PCDH11X: variants seen among roughly 807,000 people sequenced by gnomAD.
The protein encoded by PCDH11X is protocadherin 11 X-linked.
A neutral mutation model predicts 53.3 loss-of-function variants in PCDH11X; 18 were observed. The ratio of observed to expected loss-of-function variants is 0.34; its 90% CI spans 0.23 to 0.50. PCDH11X has a LOEUF of 0.50. Among genes scored for constraint, PCDH11X ranks in the 20% least tolerant of loss-of-function variants. The probability of loss-of-function intolerance (pLI) is 0.98; values close to 1 mark genes in which losing one functional copy is unlikely to be tolerated. For missense variants in PCDH11X, 570 were observed against 1,032.4 expected (o/e 0.55, Z 6.14); for synonymous variants, 279 against 393.3 (o/e 0.71, Z 3.44).
chrX:92,109,579 A>G (rs372229606), intron 6 of PCDH11X, among the ~76,000 whole-genome samples: 1 of 111,363 alleles, frequency 9.0e-6, no homozygotes, highest in East Asian at 2.8e-4. Context: ...AAATATCTCA[A>G]GCACTGATCT....
chrX:92,398,738 C>T (rs1164747329), intron 9 of PCDH11X, among the ~76,000 whole-genome samples: 1 of 110,994 alleles, frequency 9.0e-6, no homozygotes, highest in African/African-American at 3.3e-5. Flanking sequence ...CAAGTCTGCT[C>T]CTTCCTAGTA....
At chrX:91,988,660 A>T (rs1315182241) in intron 6 of PCDH11X, among the ~76,000 whole-genome samples, 3 of 113,204 alleles carry the variant, frequency 2.7e-5, no homozygotes, top group Non-Finnish European at 5.6e-5. Context: ...GCAGCATTTG[A>T]TTAAATGAAC....
At chrX:92,022,872 A>G (rs1349295701) in intron 6 of PCDH11X, among the ~76,000 whole-genome samples, 1 of 110,002 alleles carries the variant, frequency 9.1e-6, no homozygotes, top group Non-Finnish European at 1.9e-5. Flanking sequence ...CTCACTCAAA[A>G]CTGCACAACT....
chrX:91,868,421 C>A (rs1305139870), intron 5 of PCDH11X, among the ~76,000 whole-genome samples: 1 of 111,410 alleles, frequency 9.0e-6, no homozygotes, highest in Non-Finnish European at 1.9e-5. Context: ...AAACTGAAAT[C>A]TTCTTTTGGA....
At chrX:92,332,451 C>T (rs995646424) in intron 8 of PCDH11X, among the ~76,000 whole-genome samples, 11 of 110,570 alleles carry the variant, frequency 9.9e-5, no homozygotes, top group African/African-American at 3.7e-4. Context: ...AGGTGAAGAC[C>T]ATAAGATGTG....
intron 6 of PCDH11X, among the ~76,000 whole-genome samples, chrX:92,089,353 A>G (rs1265932863): frequency 1.8e-5 from 2 of 110,471 alleles, no homozygotes; most frequent in Non-Finnish European, 3.8e-5. Flanking sequence ...TATTGCTCAC[A>G]TAGTCATATA....
intron 6 of PCDH11X, among the ~76,000 whole-genome samples, chrX:92,050,614 C>T (rs1365991053): frequency 9.7e-6 from 1 of 102,679 alleles, no homozygotes; most frequent in East Asian, 3.1e-4. Context: ...AGACATTCAT[C>T]ATGAGCTTTT....
chrX:92,284,337 G>A (rs1306368378), intron 8 of PCDH11X, among the ~76,000 whole-genome samples: 14 of 109,305 alleles, frequency 1.3e-4, no homozygotes, highest in Admixed American at 5.9e-4. Flanking sequence ...AAAGCAACAT[G>A]TATAGAATAG....
chrX:92,562,699 A>T (rs978158655), intron 10 of PCDH11X, among the ~76,000 whole-genome samples: 52 of 110,496 alleles, frequency 4.7e-4, no homozygotes, highest in African/African-American at 1.6e-3. Flanking sequence ...CTTCCACCAG[A>T]TGCCCTAAAT....
chrX:92,302,774 A>G (rs1193850010), intron 8 of PCDH11X, among the ~76,000 whole-genome samples: 2 of 109,002 alleles, frequency 1.8e-5, no homozygotes, highest in Non-Finnish European at 3.8e-5. Flanking sequence ...TGGAAGGGAA[A>G]TTCAACTAAG....
At chrX:92,129,962 GCGCACA>G (rs906628157) in intron 6 of PCDH11X, among the ~76,000 whole-genome samples, 307 of 111,460 alleles carry the variant, frequency 2.8e-3, no homozygotes, top group African/African-American at 7.7e-3. Context: ...TGGCTTATAT[GCGCACA>G]CGCACACGCA....
At chrX:92,473,041 G>GT (rs1436685896) in intron 10 of PCDH11X, among the ~76,000 whole-genome samples, 253 of 96,272 alleles carry the variant, frequency 2.6e-3, no homozygotes, top group African/African-American at 8.0e-3. Context: ...TTTTTTGTTT[G>GT]TTTTTTTTTT....
intron 8 of PCDH11X, among the ~76,000 whole-genome samples, chrX:92,337,734 T>C (rs2069654018): frequency 9.0e-6 from 1 of 111,485 alleles, no homozygotes; most frequent in Non-Finnish European, 1.9e-5. Context: ...CGTAACCAGG[T>C]CTTGATTCCA....
chrX:91,822,993 T>A (rs1936753318), intron 4 of PCDH11X, among the ~76,000 whole-genome samples: 1 of 109,136 alleles, frequency 9.2e-6, no homozygotes, highest in African/African-American at 3.4e-5. Context: ...TTTGAGTGAG[T>A]TTCTTAATCC....
chrX:92,517,367 G>A (rs2148712685), intron 10 of PCDH11X, among the ~76,000 whole-genome samples: 1 of 111,969 alleles, frequency 8.9e-6, no homozygotes, highest in African/African-American at 3.2e-5. Flanking sequence ...AATTAGTAGT[G>A]ACATAGCTAC....
In PCDH11X at chrX:91,931,403, C is replaced by G. The variant is rs189278945; in HGVS notation, c.3033+52130C>G. 1.7e-4 allele frequency among the ~76,000 whole-genome samples: 19 copies of G among 110,651 alleles called. No individual in the cohort carries two copies. In the East Asian group the frequency reaches 3.7e-3, roughly 22 times the overall value. The stretch of plus-strand genomic sequence containing the variant: ...GGTATTAACCTATGAGTGAAGTTTA[C>G]ACTGACAGATTTTATTTCATTAGAA... On this transcript the variant is annotated intron_variant, in intron 6 of 10. Coordinates refer to ENST00000682573, the MANE Select transcript of PCDH11X (RefSeq NM_032968.5).
intron 6 of PCDH11X, among the ~76,000 whole-genome samples, chrX:92,154,754 G>A (rs1410087727): frequency 1.9e-5 from 2 of 106,477 alleles, no homozygotes; most frequent in African/African-American, 6.9e-5. Context: ...TCTGGCCAGA[G>A]CCGTCGGAGA....
At position 92,017,936 on chromosome X, in the gene PCDH11X, T is replaced by C. The variant is rs370206654; in HGVS notation, c.3033+138663T>C. Among the ~76,000 whole-genome samples the C allele has an allele frequency of 9.7e-5, 10 of 102,664 alleles. No homozygotes were observed. In the East Asian group the frequency reaches 3.1e-3, roughly 32 times the overall value. 89.2% of individuals were successfully genotyped at this position (102,664 alleles called of 115,157 possible). Reference sequence around the variant, plus strand: ...CACAATAAAATGAGCTATGTCTGTATTGAGTCTTGTTAATGTTGTTCATGG... The same window carrying C: ...CACAATAAAATGAGCTATGTCTGTACTGAGTCTTGTTAATGTTGTTCATGG... On this transcript the variant is annotated intron_variant, in intron 6 of 10. Transcript: ENST00000682573.
chrX:92,081,246 C>T (rs1385708081), intron 6 of PCDH11X, among the ~76,000 whole-genome samples: 4 of 110,581 alleles, frequency 3.6e-5, no homozygotes, highest in Non-Finnish European at 7.6e-5. Flanking sequence ...TAGTAAGATA[C>T]TGAAGAGTCC....
Sources: allele counts gnomAD v4.1 joint callset (sites outside exome capture counted in the v4.1 genomes callset), GRCh38; gene constraint gnomAD v4.1.1; transcripts MANE v1.5; gene names NCBI Gene and HGNC (gene_info 2026-07-23, HGNC 2026-07-21).